SRGAP2C: variants seen among roughly 807,000 people sequenced by gnomAD.
SRGAP2C encodes the protein SLIT-ROBO Rho GTPase-activating protein 2C.
SRGAP2C carries 15 observed loss-of-function variants against 25.1 expected under a neutral mutation model. The observed-to-expected ratio is 0.60, with a 90% CI of 0.40 to 0.92. The LOEUF (loss-of-function observed/expected upper bound fraction) is 0.92. SRGAP2C is among the 40% of genes least tolerant of loss of function. SRGAP2C has a pLI of 0.00. For missense variants in SRGAP2C, 144 were observed against 264.4 expected, an observed-to-expected ratio of 0.54 and a Z score of 3.16; for synonymous variants, 44 against 96.6, an observed-to-expected ratio of 0.46 and a Z score of 3.19.
intron 2 of SRGAP2C, among the ~76,000 whole-genome samples, chr1:121,280,029 G>A (rs1657205501): frequency 6.6e-6 from 1 of 151,634 alleles, no homozygotes; most frequent in Admixed American, 6.6e-5. Context: ...TTTTCAGTGA[G>A]ATATAATTCA....
intron 2 of SRGAP2C, among the ~76,000 whole-genome samples, chr1:121,239,843 C>T (rs1378030835): frequency 8.5e-5 from 13 of 152,356 alleles, no homozygotes; most frequent in Admixed American, 8.5e-4. Context: ...TACTATCTGG[C>T]CTTTATAGAA....
chr1:121,365,637 T>C (rs1478737500), intron 5 of SRGAP2C, among the ~76,000 whole-genome samples: 2 of 92,638 alleles, frequency 2.2e-5, no homozygotes, highest in African/African-American at 7.8e-5. Flanking sequence ...GTCTAGGTCA[T>C]TGGCACAATG....
At chr1:121,210,122 G>T (rs1217556347) in intron 2 of SRGAP2C, among the ~76,000 whole-genome samples, 1 of 151,334 alleles carries the variant, frequency 6.6e-6, no homozygotes, top group African/African-American at 2.4e-5. Context: ...CCTGTGTCTT[G>T]ACTAATGTTA....
chr1:121,277,781 C>T, intron 2 of SRGAP2C, among the ~76,000 whole-genome samples: 1 of 113,992 alleles, frequency 8.8e-6, no homozygotes, highest in Non-Finnish European at 1.8e-5. Flanking sequence ...CATCTCCCAG[C>T]CAAGGCCTGG....
intron 4 of SRGAP2C, among the ~76,000 whole-genome samples, chr1:121,339,368 C>T (rs1264250915): frequency 6.6e-6 from 1 of 151,388 alleles, no homozygotes; most frequent in Admixed American, 6.6e-5. Context: ...TCTCGTGCCT[C>T]AGCCTCCCTA....
At chr1:121,343,414 A>G (rs1658675973) in intron 4 of SRGAP2C, among the ~76,000 whole-genome samples, 1 of 151,670 alleles carries the variant, frequency 6.6e-6, no homozygotes, top group Admixed American at 6.6e-5. Flanking sequence ...TGGGCCAGGA[A>G]GATTAAAAAG....
At position 121,218,543 on chromosome 1, in the gene SRGAP2C, C is replaced by A. The variant is rs587713650; in HGVS notation, c.67+31030C>A. 5.3e-5 allele frequency among the ~76,000 whole-genome samples: 7 copies of A among 133,038 alleles called. No homozygotes were observed. The East Asian group carries it at 1.1e-3, about 20-fold the overall frequency. The allele number at this position is 133,038 out of a possible 152,430, so 87.3% of individuals were successfully genotyped here. A position where few individuals can be genotyped will look rare whatever the true frequency, so the allele number is the denominator to read the frequency against. ...TTTTAACTTAAAAATATGTAAATGC[C>A]AGCCTGGCCAACATGGTGAAACCCC... On this transcript the variant is annotated intron_variant, in intron 2 of 9. Transcript: ENST00000367123.
chr1:121,321,847 C>A (rs1277360581), intron 3 of SRGAP2C, among the ~76,000 whole-genome samples: 4 of 152,212 alleles, frequency 2.6e-5, no homozygotes, highest in African/African-American at 9.7e-5. Context: ...GCTCTGCATC[C>A]TTTCCCATGG....
chr1:121,198,284 T>TG (rs1234922155), intron 2 of SRGAP2C, among the ~76,000 whole-genome samples: 1 of 151,184 alleles, frequency 6.6e-6, no homozygotes, highest in African/African-American at 2.4e-5. Flanking sequence ...TCTCTTTGTT[T>TG]TTTTTTTTTG....
intron 3 of SRGAP2C, among the ~76,000 whole-genome samples, chr1:121,317,010 G>T (rs1408950495): frequency 6.7e-6 from 1 of 148,952 alleles, no homozygotes; most frequent in Non-Finnish European, 1.5e-5. Flanking sequence ...TGGTGGGCAG[G>T]CAGATTTTCG....
chr1:121,206,429 G>C (rs1338378104), intron 2 of SRGAP2C, among the ~76,000 whole-genome samples: 3 of 152,230 alleles, frequency 2.0e-5, no homozygotes, highest in African/African-American at 7.2e-5. Context: ...TGACCTTGAA[G>C]ATCAGCCAGA....
chr1:121,259,527 G>A (rs1271378884), intron 2 of SRGAP2C, among the ~76,000 whole-genome samples: 3 of 142,616 alleles, frequency 2.1e-5, no homozygotes, highest in Admixed American at 1.4e-4. Context: ...TTTTCTTTTA[G>A]CCACTACCAA....
At chr1:121,343,182 T>C (rs1658670111) in intron 4 of SRGAP2C, among the ~76,000 whole-genome samples, 1 of 151,776 alleles carries the variant, frequency 6.6e-6, no homozygotes, top group Non-Finnish European at 1.5e-5. Context: ...GCCACACAGA[T>C]TTTTCAAACA....
intron 2 of SRGAP2C, among the ~76,000 whole-genome samples, chr1:121,188,002 TGAGATTTGCA>T (rs1197752457): frequency 6.6e-6 from 1 of 152,124 alleles, no homozygotes; most frequent in Non-Finnish European, 1.5e-5. Flanking sequence ...TATTAAAACA[TGAGATTTGCA>T]ATGGCATTGG....
intron 2 of SRGAP2C, among the ~76,000 whole-genome samples, chr1:121,243,628 TTG>T (rs1656167213): frequency 1.3e-5 from 1 of 76,300 alleles, no homozygotes; most frequent in Non-Finnish European, 2.4e-5. Context: ...GGAAAAGATC[TTG>T]TGTCAAAGGA....
intron 3 of SRGAP2C, among the ~76,000 whole-genome samples, chr1:121,319,318 T>A (rs1658150600): frequency 6.6e-6 from 1 of 152,122 alleles, no homozygotes; most frequent in African/African-American, 2.4e-5. Context: ...TAGCAATTAT[T>A]AATTAAATGG....
At position 121,350,591 on chromosome 1, in the gene SRGAP2C, AT is replaced by A. The variant is rs1331342176; in HGVS notation, c.424-14701del. ...ACAAACCTGGAAATAATAAAAAAAA[AT>A]AACTCAAAATGGATCAAAGGCATAA... On this transcript the variant is annotated intron_variant, in intron 4 of 9. Coordinates refer to ENST00000367123, the MANE Select transcript of SRGAP2C (RefSeq NM_001329984.2). 1.7e-3 allele frequency among the ~76,000 whole-genome samples: 261 copies of A among 152,294 alleles called. 2 individuals carry two copies. Among genetic ancestry groups the A allele is most frequent in the African/African-American group, 5.8e-3 (240 of 41,564 alleles).
intron 3 of SRGAP2C, among the ~76,000 whole-genome samples, chr1:121,288,552 A>T (rs1657425215): frequency 1.4e-5 from 1 of 72,586 alleles, no homozygotes; most frequent in African/African-American, 6.6e-5. Context: ...CTTGAGCTAG[A>T]CATAAAGGTT....
chr1:121,375,327 T>C (rs1391660805), intron 7 of SRGAP2C, among the ~76,000 whole-genome samples: 1 of 73,616 alleles, frequency 1.4e-5, no homozygotes, highest in East Asian at 3.7e-4. Context: ...CCTTTTTTTT[T>C]TTTTTTTTTT....
Sources: gnomAD v4.1 joint callset for allele counts (sites outside exome capture counted in the v4.1 genomes callset) on GRCh38, gnomAD v4.1.1 for gene constraint, MANE v1.5 for transcripts, NCBI Gene and HGNC (gene_info 2026-07-23, HGNC 2026-07-21) for gene names.